Variants in PPARGC1A observed in about 807,000 individuals in gnomAD.
PPARGC1A encodes PPARG coactivator 1 alpha.
A neutral mutation model predicts 88.7 loss-of-function variants in PPARGC1A; 25 were observed. That is an observed-to-expected ratio of 0.28 (90% CI 0.21 to 0.39). PPARGC1A has a LOEUF of 0.39. Among genes scored for constraint, PPARGC1A ranks in the 10% least tolerant of loss-of-function variants. PPARGC1A has a pLI of 1.00. For synonymous variants in PPARGC1A, 363 were observed against 355.6 expected (o/e 1.02, Z -0.24); for missense variants, 880 against 968.7 (o/e 0.91, Z 1.22).
At chr4:23,824,108 G>GT (rs3217669) in intron 7 of PPARGC1A, among the ~76,000 whole-genome samples, 172 bp downstream of exon 7, 1,807 of 65,086 alleles carry the variant, frequency 0.028, 38 homozygotes, top group South Asian at 0.17. Flanking sequence ...TTTTTTATTA[G>GT]TTTTTTTTTT....
At chr4:23,976,595 GA>G in the PPARGC1A span, among the ~76,000 whole-genome samples, 1 of 152,206 alleles carries the variant, frequency 6.6e-6, no homozygotes, top group African/African-American at 2.4e-5. Flanking sequence ...TATATCTGGA[GA>G]TAGAGCCTTT....
intron 12 of PPARGC1A, among the ~76,000 whole-genome samples, chr4:23,800,204 A>G (rs1288441297): frequency 6.6e-6 from 1 of 152,140 alleles, no homozygotes; most frequent in African/African-American, 2.4e-5. Context: ...GATATCTAAT[A>G]ATGATGAGGA....
At chr4:23,905,110 G>A (rs772221818), upstream of PPARGC1A, among the ~76,000 whole-genome samples, 2 of 152,094 alleles carry the variant, frequency 1.3e-5, no homozygotes, top group East Asian at 1.9e-4. Flanking sequence ...ATTTTGGAAA[G>A]CCCCACTCCC....
At chr4:23,965,665 C>A in the PPARGC1A span, among the ~76,000 whole-genome samples, 1 of 152,072 alleles carries the variant, frequency 6.6e-6, no homozygotes, top group Non-Finnish European at 1.5e-5. Flanking sequence ...TGAGGGCTGG[C>A]GAAGCTCCTG....
chr4:24,123,270 A>G, the PPARGC1A span, among the ~76,000 whole-genome samples: 2 of 152,170 alleles, frequency 1.3e-5, no homozygotes, highest in Admixed American at 6.5e-5. Context: ...CAAACTACAG[A>G]TGGGACTGGA....
intron 3 of PPARGC1A, 71 bp downstream of exon 3, chr4:23,831,486 T>C (rs765359119): frequency 5.7e-5 from 77 of 1,358,086 alleles, no homozygotes; most frequent in Non-Finnish European, 7.7e-5. Context: ...TTATTGTGAC[T>C]ACATCATACC....
the PPARGC1A span, among the ~76,000 whole-genome samples, chr4:24,365,731 G>A: frequency 6.6e-6 from 1 of 151,890 alleles, no homozygotes; most frequent in Non-Finnish European, 1.5e-5. Flanking sequence ...TTTTTCATAA[G>A]TAAACACTGA....
the PPARGC1A span, among the ~76,000 whole-genome samples, chr4:24,018,680 C>T: frequency 6.6e-6 from 1 of 152,172 alleles, no homozygotes; most frequent in Non-Finnish European, 1.5e-5. Context: ...TCATCTCTTG[C>T]TTATGTTTTC....
the PPARGC1A span, among the ~76,000 whole-genome samples, chr4:24,255,578 C>T: frequency 6.6e-6 from 1 of 152,196 alleles, no homozygotes; most frequent in Non-Finnish European, 1.5e-5. Flanking sequence ...TACATACCTA[C>T]CCAGTGGGAA....
At chr4:24,134,462 A>C in the PPARGC1A span, among the ~76,000 whole-genome samples, 1 of 152,250 alleles carries the variant, frequency 6.6e-6, no homozygotes, top group South Asian at 2.1e-4. Flanking sequence ...TTCACCAAGG[A>C]AATATGTTTG....
the PPARGC1A span, among the ~76,000 whole-genome samples, chr4:24,082,895 C>A: frequency 6.6e-6 from 1 of 152,100 alleles, no homozygotes; most frequent in East Asian, 1.9e-4. Context: ...GGCAAAGATA[C>A]CACAGAGAGA....
At chr4:24,149,422 A>T in the PPARGC1A span, among the ~76,000 whole-genome samples, 3 of 152,012 alleles carry the variant, frequency 2.0e-5, no homozygotes, top group Admixed American at 2.0e-4. Context: ...AAAAAAAAAA[A>T]TAAGTTGGCA....
At chr4:24,116,032 G>C in the PPARGC1A span, among the ~76,000 whole-genome samples, 1 of 152,120 alleles carries the variant, frequency 6.6e-6, no homozygotes, top group Non-Finnish European at 1.5e-5. Context: ...AAGCAGATGA[G>C]AGAAAAGACC....
At chr4:24,365,131 A>C in the PPARGC1A span, among the ~76,000 whole-genome samples, 1 of 151,540 alleles carries the variant, frequency 6.6e-6, no homozygotes, top group East Asian at 1.9e-4. Context: ...CTACCATAAC[A>C]AGCTAATGCA....
the PPARGC1A span, among the ~76,000 whole-genome samples, chr4:24,064,916 A>C: frequency 3.9e-5 from 6 of 152,180 alleles, no homozygotes; most frequent in Admixed American, 1.3e-4. Context: ...AAATAAGGAA[A>C]TATAAAGATT....
At chr4:23,830,164 G>A (rs1037074074) in intron 3 of PPARGC1A, among the ~76,000 whole-genome samples, 5 of 152,136 alleles carry the variant, frequency 3.3e-5, no homozygotes, top group African/African-American at 7.2e-5. Flanking sequence ...GCTTTGAACC[G>A]TGTTTCATAA....
At chr4:24,222,172 T>A in the PPARGC1A span, among the ~76,000 whole-genome samples, 1 of 152,150 alleles carries the variant, frequency 6.6e-6, no homozygotes. Context: ...AGAGAATAAA[T>A]CTCATCCTCC....
the PPARGC1A span, among the ~76,000 whole-genome samples, chr4:24,112,273 G>A: frequency 6.6e-6 from 1 of 152,336 alleles, no homozygotes; most frequent in East Asian, 1.9e-4. Context: ...CTTATCTAAA[G>A]AAGTTAGGGT....
the PPARGC1A span, among the ~76,000 whole-genome samples, chr4:24,155,598 C>CAAA: frequency 1.4e-5 from 2 of 139,488 alleles, no homozygotes; most frequent in South Asian, 2.3e-4. Context: ...AAAACCCTGT[C>CAAA]AAAAAAAAAA....
Sources: gnomAD v4.1 joint callset for allele counts (sites outside exome capture counted in the v4.1 genomes callset) on GRCh38, gnomAD v4.1.1 for gene constraint, MANE v1.5 for transcripts, NCBI Gene and HGNC (gene_info 2026-07-23, HGNC 2026-07-21) for gene names.